CALN1: variants seen among roughly 807,000 people sequenced by gnomAD.
CALN1 encodes the protein calcium-binding protein 8.
In CALN1, 17 loss-of-function variants were observed where a neutral mutation model predicts 30.6. The observed-to-expected ratio is 0.56, with a 90% CI of 0.38 to 0.83. The LOEUF (loss-of-function observed/expected upper bound fraction) is 0.83, where lower values mean the gene tolerates loss of function less well. Ranked by LOEUF, CALN1 falls within the 40% of genes least tolerant of loss-of-function variation. CALN1 has a pLI of 0.00. For synonymous variants in CALN1, 156 were observed against 131.4 expected (o/e 1.19, Z -1.28); for missense variants, 291 against 354.9 (o/e 0.82, Z 1.45).
intron 6 of CALN1, among the ~76,000 whole-genome samples, chr7:71,799,740 T>C (rs1268838965): frequency 1.3e-5 from 2 of 152,198 alleles, no homozygotes; most frequent in Non-Finnish European, 2.9e-5. Context: ...CCTCCCAAAG[T>C]GCTGGGACTA....
chr7:72,453,864 A>G, the CALN1 span, among the ~76,000 whole-genome samples: 1 of 152,182 alleles, frequency 6.6e-6, no homozygotes, highest in Non-Finnish European at 1.5e-5. Context: ...TTTTAAGATC[A>G]TTCCTTAAGT....
At chr7:71,926,720 T>C (rs1383988716) in intron 5 of CALN1, among the ~76,000 whole-genome samples, 1 of 151,848 alleles carries the variant, frequency 6.6e-6, no homozygotes, top group Non-Finnish European at 1.5e-5. Context: ...TTTCATTTGG[T>C]CAATTTCTAT....
intron 5 of CALN1, among the ~76,000 whole-genome samples, chr7:71,920,332 T>C (rs1048376080): frequency 1.0e-4 from 7 of 68,996 alleles, no homozygotes; most frequent in African/African-American, 5.5e-4. Context: ...AATTAGTTCT[T>C]TTTTTTTTTT....
chr7:71,980,210 A>T (rs1798323240), intron 5 of CALN1, among the ~76,000 whole-genome samples: 1 of 138,442 alleles, frequency 7.2e-6, no homozygotes, highest in African/African-American at 2.8e-5. Context: ...TTTTTGAGAC[A>T]GAGTCTCACT....
intron 3 of CALN1, among the ~76,000 whole-genome samples, chr7:72,267,184 T>C (rs182231281): frequency 9.8e-5 from 15 of 152,286 alleles, no homozygotes; most frequent in Admixed American, 9.8e-4. Flanking sequence ...AAAAGGCAAG[T>C]TGAGTTTGCC....
intron 5 of CALN1, among the ~76,000 whole-genome samples, chr7:71,850,598 G>A (rs2116583762): frequency 6.6e-6 from 1 of 152,286 alleles, no homozygotes; most frequent in Middle Eastern, 3.4e-3. Flanking sequence ...AATCACTCAA[G>A]AAAACAGTAT....
At chr7:71,904,421 G>A (rs1245852101) in intron 5 of CALN1, among the ~76,000 whole-genome samples, 1 of 152,212 alleles carries the variant, frequency 6.6e-6, no homozygotes, top group Non-Finnish European at 1.5e-5. Flanking sequence ...AGAGGACATT[G>A]TTAAGGGAAA....
intron 3 of CALN1, among the ~76,000 whole-genome samples, chr7:72,148,432 A>G (rs1045591125): frequency 2.0e-5 from 3 of 151,452 alleles, no homozygotes; most frequent in Admixed American, 6.6e-5. Flanking sequence ...AAAAAAAAGA[A>G]AAAAGAAAAA....
At chr7:72,120,151 T>A (rs1808278043) in intron 3 of CALN1, among the ~76,000 whole-genome samples, 1 of 151,996 alleles carries the variant, frequency 6.6e-6, no homozygotes, top group Non-Finnish European at 1.5e-5. Flanking sequence ...CTCCAACACG[T>A]ATTTTTCAAT....
At chr7:72,111,355 GC>G in intron 3 of CALN1, among the ~76,000 whole-genome samples, 1 of 152,326 alleles carries the variant, frequency 6.6e-6, no homozygotes, top group African/African-American at 2.4e-5. Flanking sequence ...AGGGATCTGA[GC>G]CCCTCCTCCC....
chr7:71,947,279 G>T (rs1224376622), intron 5 of CALN1, among the ~76,000 whole-genome samples: 1 of 152,132 alleles, frequency 6.6e-6, no homozygotes, highest in Non-Finnish European at 1.5e-5. Context: ...CCGAACTGCC[G>T]AGATTACAGG....
intron 5 of CALN1, among the ~76,000 whole-genome samples, chr7:71,880,893 T>C (rs1024553581): frequency 6.6e-6 from 1 of 152,184 alleles, no homozygotes; most frequent in Non-Finnish European, 1.5e-5. Flanking sequence ...CTTGTTTGGA[T>C]TGACGCATGC....
At chr7:71,828,458 G>T (rs117524627) in intron 5 of CALN1, among the ~76,000 whole-genome samples, 1 of 151,950 alleles carries the variant, frequency 6.6e-6, no homozygotes, top group East Asian at 1.9e-4. Flanking sequence ...AAATACCTTG[G>T]GACCCCAAAA....
intron 1 of CALN1, among the ~76,000 whole-genome samples, chr7:72,421,391 A>G (rs116557194): frequency 0.014 from 2,119 of 152,190 alleles, 53 homozygotes; most frequent in African/African-American, 0.049. Flanking sequence ...CTTATTCTTC[A>G]TCCTTAACGT....
intron 3 of CALN1, among the ~76,000 whole-genome samples, chr7:72,131,929 C>T (rs946278588): frequency 3.3e-5 from 5 of 152,170 alleles, no homozygotes; most frequent in African/African-American, 1.2e-4. Context: ...TTTCCCCATC[C>T]CACATGATTG....
chr7:72,465,180 T>C, the CALN1 span, among the ~76,000 whole-genome samples: 1 of 152,216 alleles, frequency 6.6e-6, no homozygotes, highest in Non-Finnish European at 1.5e-5. Flanking sequence ...GACACACTCC[T>C]GGATAACTTT....
intron 2 of CALN1, among the ~76,000 whole-genome samples, chr7:72,328,300 G>T (rs1801424828): frequency 6.6e-6 from 1 of 152,112 alleles, no homozygotes; most frequent in South Asian, 2.1e-4. Context: ...AATCATGGGG[G>T]TGGTTTCCCC....
chr7:72,188,663 C>T (rs1027516369), intron 3 of CALN1, among the ~76,000 whole-genome samples: 4 of 152,084 alleles, frequency 2.6e-5, no homozygotes, highest in African/African-American at 9.6e-5. Context: ...AACTTACTCA[C>T]GTAACCAAAT....
At chr7:72,017,451 GTAC>G (rs1562979982) in intron 5 of CALN1, among the ~76,000 whole-genome samples, 1 of 152,154 alleles carries the variant, frequency 6.6e-6, no homozygotes, top group Non-Finnish European at 1.5e-5. Flanking sequence ...TGGGGAACGA[GTAC>G]CCTATGCACT....
Sources: gnomAD v4.1 joint callset for allele counts (sites outside exome capture counted in the v4.1 genomes callset) on GRCh38, gnomAD v4.1.1 for gene constraint, MANE v1.5 for transcripts, NCBI Gene and HGNC (gene_info 2026-07-23, HGNC 2026-07-21) for gene names.